Variants in NEDD1 observed in about 807,000 individuals in gnomAD.
NEDD1 encodes the protein NEDD1 gamma-tubulin ring complex targeting factor, also known as protein NEDD1.
Under a neutral mutation model 74.0 loss-of-function variants are expected in NEDD1, and 33 were observed. The ratio of observed to expected loss-of-function variants is 0.45; its 90% CI spans 0.34 to 0.60. The LOEUF is 0.60. NEDD1 is among the 20% of genes least tolerant of loss of function. NEDD1 has a pLI of 0.01. For synonymous variants in NEDD1, 250 were observed against 264.4 expected, an observed-to-expected ratio of 0.95 and a Z score of 0.53; for missense variants, 746 against 776.5, an observed-to-expected ratio of 0.96 and a Z score of 0.47.
In NEDD1 at chr12:96,909,832, G is replaced by T. The variant is rs1456752078; in HGVS notation, c.73G>T (p.Val25Leu). Residue 25 changes from valine to leucine, a missense_variant, in exon 3 of 16, where the codon GTG becomes TTG. Around this residue, in one of 3 missense-constraint regions of NEDD1, gnomAD observed 706 missense variants for 706.7 expected, o/e 1.00. Transcript: ENST00000266742. The part of the protein sequence containing the change: ...KIWDASSMTL[V>L]DKFNPHTSPH... ...ATGGGATGCTTCATCTATGACATTG[G>T]TGGATAAATTCAACCCACACACATC... 1.2e-6 allele frequency: 2 copies of T among 1,613,664 alleles called. No individual in the cohort carries two copies. The highest frequency in any genetic ancestry group is 1.3e-5 in the African/African-American group (1 of 74,926).
chr12:96,930,860 A>G (rs1480360863), intron 6 of NEDD1, among the ~76,000 whole-genome samples: 4 of 152,186 alleles, frequency 2.6e-5, no homozygotes, highest in Non-Finnish European at 4.4e-5. Context: ...ATGCACTCAC[A>G]GTATTGACGG....
intron 2 of NEDD1, among the ~76,000 whole-genome samples, chr12:96,909,189 A>AG (rs1167522980): frequency 6.6e-6 from 1 of 151,960 alleles, no homozygotes; most frequent in African/African-American, 2.4e-5. Context: ...AAAAAAAAAA[A>AG]AAAAATTCAG....
At chr12:96,927,274 A>G (rs1420842976) in intron 6 of NEDD1, among the ~76,000 whole-genome samples, 1 of 152,224 alleles carries the variant, frequency 6.6e-6, no homozygotes, top group Non-Finnish European at 1.5e-5. Context: ...ATCTCACAGA[A>G]TCTGCATCAT....
intron 4 of NEDD1, among the ~76,000 whole-genome samples, chr12:96,914,916 C>T (rs969367205): frequency 2.0e-5 from 3 of 151,986 alleles, no homozygotes; most frequent in African/African-American, 4.8e-5. Flanking sequence ...TATTTTGAGC[C>T]CTTAAGAGTA....
chr12:96,909,033 G>A (rs578113210), intron 2 of NEDD1, among the ~76,000 whole-genome samples: 3 of 151,928 alleles, frequency 2.0e-5, no homozygotes, highest in Admixed American at 6.6e-5. Context: ...AAAATTAGCC[G>A]GGTGTGGTGG....
chr12:96,908,433 A>G (rs1592847211), intron 2 of NEDD1, among the ~76,000 whole-genome samples: 1 of 152,194 alleles, frequency 6.6e-6, no homozygotes, highest in Admixed American at 6.5e-5. Context: ...TGTGGGAGGT[A>G]TAATTCTGTG....
rs757540039 is a variant in NEDD1 at position 96,945,650 on chromosome 12, A to G, written c.1655-43A>G. 19 of 1,238,332 alleles carry G rather than the reference A, an allele frequency of 1.5e-5. No individual in the cohort carries two copies. In the East Asian group the frequency reaches 1.9e-4, roughly 12 times the overall value. 76.7% of individuals were successfully genotyped at this position (1,238,332 alleles called of 1,614,324 possible). ...TATTTAGAAATGTTTGATGTCTCTC[A>G]GTCCAAGTTGACTATTAATATTTTC... is the stretch of plus-strand genomic sequence containing the variant. On this transcript the variant is annotated intron_variant, in intron 13 of 15. Transcript: ENST00000266742.
chr12:96,944,965 A>G (rs1216155283), intron 13 of NEDD1, among the ~76,000 whole-genome samples, 170 bp downstream of exon 13: 1 of 152,140 alleles, frequency 6.6e-6, no homozygotes, highest in Non-Finnish European at 1.5e-5. Context: ...TGAAATGGAT[A>G]TGAATCGTTA....
At position 96,907,792 on chromosome 12, in the gene NEDD1, CG is replaced by C; in HGVS notation, c.-70del. 6.7e-7 allele frequency: 1 copy of C among 1,497,212 alleles called. No homozygotes were observed. The highest frequency in any genetic ancestry group is 8.9e-7 in the Non-Finnish European group (1 of 1,121,480). 92.7% of individuals were successfully genotyped at this position (1,497,212 alleles called of 1,614,324 possible). On this transcript the variant is annotated 5_prime_UTR_variant, in exon 2 of 16. Coordinates refer to ENST00000266742, the MANE Select transcript of NEDD1 (RefSeq NM_152905.4). ...TTGTGTCCTGACTGCTAGCTTTCGA[CG>C]GGACCGTCTTTGAGGGACTCATGTA...
At chr12:96,932,463 A>ATATATATATATATATATATATAT (rs1555203252) in intron 6 of NEDD1, among the ~76,000 whole-genome samples, 1 of 9,438 alleles carries the variant, frequency 1.1e-4, no homozygotes, top group African/African-American at 3.4e-4. Context: ...AAAAAAAAAA[A>ATATATATATATATATATATATAT]ATATATATAT....
intron 12 of NEDD1, among the ~76,000 whole-genome samples, 166 bp downstream of exon 12, chr12:96,943,928 A>G (rs1877929146): frequency 6.6e-6 from 1 of 152,082 alleles, no homozygotes; most frequent in Admixed American, 6.6e-5. Flanking sequence ...CGCTTTGGAT[A>G]TGTTGAAGGT....
At chr12:96,917,879 G>A in intron 5 of NEDD1, 142 bp downstream of exon 5, 1 of 1,028,968 alleles carries the variant, frequency 9.7e-7, no homozygotes, top group Non-Finnish European at 1.3e-6. Context: ...GAAAATAAAG[G>A]TGCTATTTAG....
At chr12:96,923,530 A>T (rs1354769140) in intron 6 of NEDD1, among the ~76,000 whole-genome samples, 4 of 152,044 alleles carry the variant, frequency 2.6e-5, no homozygotes, top group African/African-American at 9.7e-5. Context: ...TATTTTTGCC[A>T]CTTTGATGGT....
At chr12:96,924,806 T>G (rs894521363) in intron 6 of NEDD1, 1 of 450,762 alleles carries the variant, frequency 2.2e-6, no homozygotes, top group Non-Finnish European at 4.4e-6. Flanking sequence ...ATATATGTTA[T>G]TACTTTTTCT....
chr12:96,943,772 T>G lies in NEDD1; in HGVS notation c.1497+10T>G. On this transcript the variant is annotated intron_variant, in intron 12 of 15. Transcript: ENST00000266742. ...AGACTCCTTCAAACAGGTATTTGCC[T>G]GAAAATGATACTGAACTCACTGTAT... The G allele has an allele frequency of 6.4e-7, 1 of 1,563,120 alleles. No homozygotes were observed. The highest frequency in any genetic ancestry group is 8.8e-7 in the Non-Finnish European group (1 of 1,136,410).
At chr12:96,929,738 A>G in intron 6 of NEDD1, among the ~76,000 whole-genome samples, 1 of 151,858 alleles carries the variant, frequency 6.6e-6, no homozygotes, top group African/African-American at 2.4e-5. Flanking sequence ...CACTTCTAGC[A>G]GATCTCCTCA....
intron 5 of NEDD1, among the ~76,000 whole-genome samples, chr12:96,918,310 G>C (rs1874690704): frequency 1.3e-5 from 2 of 151,346 alleles, no homozygotes; most frequent in African/African-American, 2.4e-5. Context: ...GAAAGTCTAT[G>C]GTCTTTTTTT....
intron 6 of NEDD1, among the ~76,000 whole-genome samples, chr12:96,932,463 A>AAATAT: frequency 5.3e-4 from 5 of 9,436 alleles, no homozygotes; most frequent in Non-Finnish European, 9.9e-4. Context: ...AAAAAAAAAA[A>AAATAT]ATATATATAT....
chr12:96,934,927 C>T (rs747798095), intron 6 of NEDD1, 49 bp from the exon 7 acceptor site: 1 of 1,138,392 alleles, frequency 8.8e-7, no homozygotes, highest in South Asian at 1.3e-5. Context: ...TATCAAATGT[C>T]CTTATGAATG....
Sources: allele counts gnomAD v4.1 joint callset (sites outside exome capture counted in the v4.1 genomes callset), GRCh38; gene constraint gnomAD v4.1.1; regional missense constraint gnomAD v4.1.1; transcripts MANE v1.5; gene names NCBI Gene and HGNC (gene_info 2026-07-23, HGNC 2026-07-21).